The following ARHGAP24 variants were observed in gnomAD, a reference collection of about 807,000 sequenced individuals.
The protein encoded by ARHGAP24 is rho GTPase-activating protein 24.
ARHGAP24 carries 50 observed loss-of-function variants against 76.4 expected under a neutral mutation model. The ratio of observed to expected loss-of-function variants is 0.65; its 90% CI spans 0.52 to 0.83. The LOEUF (loss-of-function observed/expected upper bound fraction) is 0.83. ARHGAP24 is among the 40% of genes least tolerant of loss of function. The probability of loss-of-function intolerance (pLI) is 0.00; values close to 1 mark genes in which losing one functional copy is unlikely to be tolerated. For missense variants in ARHGAP24, 930 were observed against 914.2 expected (o/e 1.02, Z -0.22); for synonymous variants, 345 against 323.3 (o/e 1.07, Z -0.72).
chr4:85,532,337 G>A (rs901581156), intron 1 of ARHGAP24, among the ~76,000 whole-genome samples: 1 of 152,142 alleles, frequency 6.6e-6, no homozygotes, highest in East Asian at 1.9e-4. Flanking sequence ...GAAAAGCAGA[G>A]AATGATCCTA....
At chr4:85,486,613 G>A (rs768742375) in intron 1 of ARHGAP24, among the ~76,000 whole-genome samples, 1 of 152,112 alleles carries the variant, frequency 6.6e-6, no homozygotes, top group African/African-American at 2.4e-5. Context: ...ATGTATTGAC[G>A]ATGCAGTAAG....
At chr4:85,779,277 T>C (rs981826204) in intron 3 of ARHGAP24, among the ~76,000 whole-genome samples, 1 of 152,208 alleles carries the variant, frequency 6.6e-6, no homozygotes, top group African/African-American at 2.4e-5. Flanking sequence ...TTGCTTGTGT[T>C]GGATAAAGAT....
chr4:85,687,466 T>A (rs1408704794), intron 2 of ARHGAP24, among the ~76,000 whole-genome samples: 1 of 152,168 alleles, frequency 6.6e-6, no homozygotes, highest in African/African-American at 2.4e-5. Flanking sequence ...GTTGTTCCCA[T>A]GTATTTGTCC....
chr4:85,915,733 C>T (rs1735349377), intron 3 of ARHGAP24, among the ~76,000 whole-genome samples: 1 of 152,252 alleles, frequency 6.6e-6, no homozygotes, highest in Admixed American at 6.5e-5. Context: ...ATCTAGGTCC[C>T]TGCAAAGGAA....
intron 4 of ARHGAP24, among the ~76,000 whole-genome samples, chr4:85,935,903 A>C (rs1736605851): frequency 6.6e-6 from 1 of 152,212 alleles, no homozygotes; most frequent in Non-Finnish European, 1.5e-5. Context: ...GATTCTATCA[A>C]CATTCACTGG....
At chr4:85,574,589 A>G (rs1727296429) in intron 2 of ARHGAP24, among the ~76,000 whole-genome samples, 1 of 152,210 alleles carries the variant, frequency 6.6e-6, no homozygotes, top group Admixed American at 6.5e-5. Flanking sequence ...GGGGGGCCCC[A>G]ATGGAAAAGG....
chr4:85,623,237 A>G (rs898695199), intron 2 of ARHGAP24, among the ~76,000 whole-genome samples: 12 of 152,084 alleles, frequency 7.9e-5, no homozygotes, highest in African/African-American at 2.4e-4. Flanking sequence ...TAGGTCTAAC[A>G]TGTAAGTCTT....
intron 1 of ARHGAP24, among the ~76,000 whole-genome samples, chr4:85,506,900 T>TCC (rs1356883889): frequency 6.6e-5 from 1 of 15,256 alleles, no homozygotes; most frequent in East Asian, 2.3e-3. Context: ...GCCTTTTTTT[T>TCC]TCCCCCCATG....
chr4:85,635,590 C>G (rs1430200949), intron 2 of ARHGAP24, among the ~76,000 whole-genome samples: 1 of 151,812 alleles, frequency 6.6e-6, no homozygotes, highest in African/African-American at 2.4e-5. Flanking sequence ...CTGAAAGAAA[C>G]CAAAGTACTT....
chr4:85,751,996 C>T (rs1174351435), intron 3 of ARHGAP24, among the ~76,000 whole-genome samples: 1 of 152,220 alleles, frequency 6.6e-6, no homozygotes, highest in Non-Finnish European at 1.5e-5. Flanking sequence ...CCTCTCCCTT[C>T]CTCCCTTGCT....
intron 3 of ARHGAP24, among the ~76,000 whole-genome samples, chr4:85,754,440 A>G (rs1239967036): frequency 1.3e-5 from 2 of 152,234 alleles, no homozygotes; most frequent in South Asian, 4.1e-4. Context: ...AGTAACTCCC[A>G]TTGACAATGC....
At chr4:85,476,064 T>C (rs933249982) in intron 1 of ARHGAP24, among the ~76,000 whole-genome samples, 2 of 148,258 alleles carry the variant, frequency 1.3e-5, no homozygotes, top group African/African-American at 4.9e-5. Context: ...TTTATAAATA[T>C]ATTACATATT....
rs535408903 is a variant in ARHGAP24 at position 85,794,751 on chromosome 4, G to A, written c.268+72779G>A. Among the ~76,000 whole-genome samples, 4 of 152,278 alleles carry A rather than the reference G, an allele frequency of 2.6e-5. No individual in the cohort carries two copies. The South Asian group carries it at 8.3e-4, about 32-fold the overall frequency. On this transcript the variant is annotated intron_variant, in intron 3 of 9. Coordinates refer to ENST00000395184, the MANE Select transcript of ARHGAP24 (RefSeq NM_001025616.3). ...CCACCTCTGCCTCCCAAAGTGCTAGGATTACAGGGGAGAGCCACTGCACCC... is the reference window on the plus strand; with the variant it reads ...CCACCTCTGCCTCCCAAAGTGCTAGAATTACAGGGGAGAGCCACTGCACCC...
chr4:85,660,070 C>T (rs915516981), intron 2 of ARHGAP24, among the ~76,000 whole-genome samples: 13 of 152,080 alleles, frequency 8.5e-5, no homozygotes, highest in African/African-American at 1.7e-4. Context: ...GTGGAAAAAA[C>T]GGCATGTGCT....
At chr4:85,713,580 G>T (rs1169372155) in intron 2 of ARHGAP24, among the ~76,000 whole-genome samples, 1 of 152,144 alleles carries the variant, frequency 6.6e-6, no homozygotes, top group East Asian at 1.9e-4. Flanking sequence ...CTTCACAGAA[G>T]ATCTGGTTAA....
intron 3 of ARHGAP24, among the ~76,000 whole-genome samples, chr4:85,900,543 G>A (rs546377548): frequency 6.6e-6 from 1 of 151,812 alleles, no homozygotes; most frequent in Admixed American, 6.6e-5. Context: ...CTCTGCCTCA[G>A]CCTCCTGAGT....
chr4:85,957,995 A>G (rs1361054121), intron 5 of ARHGAP24, among the ~76,000 whole-genome samples: 2 of 152,144 alleles, frequency 1.3e-5, no homozygotes, highest in Non-Finnish European at 2.9e-5. Flanking sequence ...CTGAAACCCA[A>G]TGGGGTTATA....
intron 3 of ARHGAP24, among the ~76,000 whole-genome samples, chr4:85,753,584 A>G (rs745763052): frequency 6.6e-5 from 10 of 152,200 alleles, no homozygotes; most frequent in Non-Finnish European, 1.2e-4. Flanking sequence ...AGAGCAATTT[A>G]TGCGCCCCAC....
chr4:85,525,878 C>G (rs980242898), intron 1 of ARHGAP24, among the ~76,000 whole-genome samples: 1 of 152,142 alleles, frequency 6.6e-6, no homozygotes, highest in African/African-American at 2.4e-5. Flanking sequence ...TTGCTATTTT[C>G]TTAGAAGGTC....
Sources: allele counts gnomAD v4.1 joint callset (sites outside exome capture counted in the v4.1 genomes callset), GRCh38; gene constraint gnomAD v4.1.1; transcripts MANE v1.5; gene names NCBI Gene and HGNC (gene_info 2026-07-23, HGNC 2026-07-21).